The following CWH43 variants were observed in gnomAD, a reference collection of about 807,000 sequenced individuals.
CWH43 encodes cell wall biogenesis 43 C-terminal homolog.
In CWH43, 91 loss-of-function variants were observed where a neutral mutation model predicts 85.7. The ratio of observed to expected loss-of-function variants is 1.06; its 90% CI spans 0.90 to 1.26. The LOEUF is 1.26. CWH43 is among the 50% of genes most tolerant of loss of function. The probability of loss-of-function intolerance (pLI) is 0.00; values close to 1 mark genes in which losing one functional copy is unlikely to be tolerated. For missense variants in CWH43, 869 were observed against 839.2 expected, an observed-to-expected ratio of 1.04 and a Z score of -0.44; for synonymous variants, 323 against 293.6, an observed-to-expected ratio of 1.10 and a Z score of -1.02.
At position 49,044,831 on chromosome 4, in the gene CWH43, T is replaced by A. The variant is rs764399879; in HGVS notation, c.1849T>A (p.Tyr617Asn). The A allele has an allele frequency of 1.9e-6, 3 of 1,613,170 alleles. No individual in the cohort carries two copies. The South Asian group carries it at 3.3e-5, about 18-fold the overall frequency. The change falls in exon 14 of 16, where the codon TAT becomes AAT. Residue 617 changes from tyrosine (Y) to asparagine (N), a missense_variant. Tyr to Asn is a moderately radical substitution (Grantham distance 143, BLOSUM62 -2). Transcript: ENST00000226432. ...TGACAGATGGTGTGAATACATTATG[T>A]ATCGAGGGCTGATCAGGTGAGCACA... is the stretch of plus-strand genomic sequence containing the variant. ...DHDRWCEYIMYRGLIRLGYAR... is the reference protein window; with the variant it reads ...DHDRWCEYIMNRGLIRLGYAR...
intron 15 of CWH43, among the ~76,000 whole-genome samples, chr4:49,052,648 A>G (rs1577714042): frequency 6.6e-6 from 1 of 152,200 alleles, no homozygotes; most frequent in Non-Finnish European, 1.5e-5. Context: ...TTGGCTAACC[A>G]CAACTGCAGA....
intron 15 of CWH43, 56 bp downstream of exon 15, chr4:49,050,905 C>A (rs1784772557): frequency 1.6e-6 from 2 of 1,249,026 alleles, no homozygotes; most frequent in East Asian, 2.4e-5. Context: ...CTCTATGGAA[C>A]CTACATATTA....
At chr4:48,990,347 G>A (rs1782622360) in intron 2 of CWH43, among the ~76,000 whole-genome samples, 2 of 152,148 alleles carry the variant, frequency 1.3e-5, no homozygotes, top group Admixed American at 6.6e-5. Flanking sequence ...GCTGTTCCAG[G>A]TGACCATTGA....
intron 14 of CWH43, among the ~76,000 whole-genome samples, chr4:49,045,383 C>T (rs1339273332): frequency 6.6e-6 from 1 of 152,140 alleles, no homozygotes; most frequent in East Asian, 1.9e-4. Flanking sequence ...GTATGATATA[C>T]TTGGATAATA....
intron 9 of CWH43, among the ~76,000 whole-genome samples, chr4:49,023,241 T>C (rs1395246971): frequency 6.6e-6 from 1 of 152,226 alleles, no homozygotes; most frequent in African/African-American, 2.4e-5. Context: ...TGTGTCACTA[T>C]TATCATTCAG....
rs752536359 is a variant in CWH43 at position 49,050,699 on chromosome 4, G to T, written c.1871G>T (p.Gly624Val). The change falls in exon 15 of 16, where the codon GGT (glycine) becomes GTT (valine). Residue 624 changes from glycine to valine, a missense_variant. Around this residue, in one of 3 missense-constraint regions of CWH43, gnomAD observed 577 missense variants for 513.1 expected, o/e 1.12. Coordinates refer to ENST00000226432, the MANE Select transcript of CWH43 (RefSeq NM_025087.3). ...CATTTCTGTTTCTGCTACAGGTTGGGTTATGCAAGAATCTCCCATGCTGAA... is the reference window on the plus strand; with the variant it reads ...CATTTCTGTTTCTGCTACAGGTTGGTTTATGCAAGAATCTCCCATGCTGAA... ...YIMYRGLIRLGYARISHAELS... is the reference protein window; with the variant it reads ...YIMYRGLIRLVYARISHAELS... 6 of 1,610,466 alleles carry T rather than the reference G, an allele frequency of 3.7e-6. No individual in the cohort carries two copies. Among genetic ancestry groups the T allele is most frequent in the Non-Finnish European group, 3.4e-6 (4 of 1,178,556 alleles).
intron 9 of CWH43, among the ~76,000 whole-genome samples, chr4:49,027,856 T>C (rs1783964369): frequency 6.6e-6 from 1 of 152,112 alleles, no homozygotes; most frequent in Non-Finnish European, 1.5e-5. Flanking sequence ...TAGGTAATCA[T>C]TTGAGATGGA....
In CWH43 at chr4:49,017,172, A is replaced by G. The variant is rs1015568039; in HGVS notation, c.1187-77A>G. 8.8e-6 allele frequency: 11 copies of G among 1,251,028 alleles called. No individual in the cohort carries two copies. In the African/African-American group the frequency reaches 9.1e-5, roughly 10 times the overall value. 77.5% of individuals were successfully genotyped at this position (1,251,028 alleles called of 1,614,324 possible). ...GGTGCCATGGCACTGGAGCTGAGGC[A>G]CTGAAGGTCAGTGTCAGCAAATTTA... On this transcript the variant is annotated intron_variant, in intron 8 of 15. Coordinates refer to ENST00000226432, the MANE Select transcript of CWH43 (RefSeq NM_025087.3).
intron 15 of CWH43, among the ~76,000 whole-genome samples, chr4:49,052,499 G>C (rs1345963539): frequency 1.3e-5 from 2 of 152,194 alleles, no homozygotes; most frequent in African/African-American, 4.8e-5. Flanking sequence ...AATGGTAGAA[G>C]TAAAATAGAA....
chr4:49,035,648 A>T lies in CWH43; in HGVS notation c.1659-2388A>T, dbSNP rs535749255. Among the ~76,000 whole-genome samples the T allele has an allele frequency of 1.7e-4, 26 of 152,300 alleles. 1 individual carries two copies. The South Asian group carries it at 5.2e-3, about 30-fold the overall frequency. ...TATTGGACCAACAAAATATTAACAG[A>T]TAAGAAAACATAAAGCATATGTGAG... On this transcript the variant is annotated intron_variant, in intron 12 of 15. Transcript: ENST00000226432.
intron 14 of CWH43, among the ~76,000 whole-genome samples, chr4:49,047,162 G>C (rs1035399362): frequency 3.3e-5 from 5 of 152,224 alleles, no homozygotes; most frequent in Non-Finnish European, 5.9e-5. Flanking sequence ...TGCTTTCTGG[G>C]ATGATATAGA....
chr4:49,030,398 A>G (rs1252920197), intron 10 of CWH43, among the ~76,000 whole-genome samples: 1 of 152,168 alleles, frequency 6.6e-6, no homozygotes, highest in Non-Finnish European at 1.5e-5. Flanking sequence ...ACAGGCTTCC[A>G]AGGCACACCT....
intron 8 of CWH43, among the ~76,000 whole-genome samples, chr4:49,013,635 T>C (rs1319698821): frequency 1.3e-5 from 2 of 152,224 alleles, no homozygotes; most frequent in Non-Finnish European, 2.9e-5. Flanking sequence ...TCTCTACTTT[T>C]TTTTTTGTAC....
rs1421249705 is a variant in CWH43, at chr4:49,003,837, T to G, written c.905T>G (p.Leu302Arg). The G allele has an allele frequency of 6.2e-7, 1 of 1,614,026 alleles. No homozygotes were observed. Reference sequence around the variant, plus strand: ...ACTGCATCCATGTGGCCCCAAACACTTGGACACCTTATTAACTCAGGGACA... The same window carrying G: ...ACTGCATCCATGTGGCCCCAAACACGTGGACACCTTATTAACTCAGGGACA... ...IFTASMWPQT[L>R]GHLINSGTNP... Residue 302 changes from leucine to arginine, a missense_variant, in exon 7 of 16, where the codon CTT becomes CGT. By Grantham distance (102) the Leu-to-Arg change is moderately radical (BLOSUM62 -2). Coordinates refer to ENST00000226432, the MANE Select transcript of CWH43 (RefSeq NM_025087.3).
intron 8 of CWH43, among the ~76,000 whole-genome samples, chr4:49,010,828 G>T (rs1366591476): frequency 6.6e-6 from 1 of 152,162 alleles, no homozygotes; most frequent in Non-Finnish European, 1.5e-5. Context: ...TCATTGCACT[G>T]TGATCTAAGA....
At chr4:49,040,366 T>G (rs1265949644) in intron 13 of CWH43, among the ~76,000 whole-genome samples, 1 of 152,210 alleles carries the variant, frequency 6.6e-6, no homozygotes, top group Admixed American at 6.5e-5. Flanking sequence ...CCACCAACAG[T>G]GTAAAAGTGT....
intron 1 of CWH43, among the ~76,000 whole-genome samples, chr4:48,987,244 C>T (rs4695413): frequency 0.56 from 85,006 of 151,854 alleles, 27,081 homozygotes; most frequent in Middle Eastern, 0.73. Context: ...TCTGGCTCAG[C>T]CTGTATCTAT....
chr4:49,007,088 G>A (rs1028599407), intron 7 of CWH43, 113 bp from the exon 8 acceptor site: 93 of 1,217,074 alleles, frequency 7.6e-5, no homozygotes, highest in African/African-American at 1.5e-5. Context: ...AATTAAATCA[G>A]TACATGAATT....
chr4:48,988,328 C>G, intron 1 of CWH43, 149 bp from the exon 2 acceptor site: 1 of 473,938 alleles, frequency 2.1e-6, no homozygotes, highest in Non-Finnish European at 3.6e-6. Flanking sequence ...TGTTTTGTTC[C>G]ATGTCAGTGG....
Sources: allele counts gnomAD v4.1 joint callset (sites outside exome capture counted in the v4.1 genomes callset), GRCh38; gene constraint gnomAD v4.1.1; regional missense constraint gnomAD v4.1.1; transcripts MANE v1.5; gene names NCBI Gene and HGNC (gene_info 2026-07-23, HGNC 2026-07-21).